PALLD: variants seen among roughly 807,000 people sequenced by gnomAD.
PALLD encodes palladin.
In PALLD, 61 loss-of-function variants were observed where a neutral mutation model predicts 123.5. That is an observed-to-expected ratio of 0.49 (90% CI 0.40 to 0.61). The LOEUF is 0.61. PALLD is among the 20% of genes least tolerant of loss of function. The pLI is 0.00. For missense variants in PALLD, 1,273 were observed against 1,377.0 expected, an observed-to-expected ratio of 0.92 and a Z score of 1.20; for synonymous variants, 465 against 496.4, an observed-to-expected ratio of 0.94 and a Z score of 0.84.
At chr4:168,681,829 G>A (rs1383624860) in intron 4 of PALLD, among the ~76,000 whole-genome samples, 1 of 151,976 alleles carries the variant, frequency 6.6e-6, no homozygotes, top group Non-Finnish European at 1.5e-5. Flanking sequence ...AGGGATTATA[G>A]GCATGAGCCA....
At chr4:168,618,310 T>C (rs972457829) in intron 2 of PALLD, among the ~76,000 whole-genome samples, 2 of 152,220 alleles carry the variant, frequency 1.3e-5, no homozygotes, top group East Asian at 3.8e-4. Flanking sequence ...ACTATAACTT[T>C]CTATGGTTTT....
At chr4:168,676,579 T>A (rs974909624) in intron 3 of PALLD, among the ~76,000 whole-genome samples, 30 of 149,432 alleles carry the variant, frequency 2.0e-4, no homozygotes, top group Non-Finnish European at 1.9e-4. Flanking sequence ...TATATATATT[T>A]AAAAAAAAAT....
chr4:168,753,846 C>A (rs1191397143), intron 10 of PALLD, among the ~76,000 whole-genome samples: 1 of 152,094 alleles, frequency 6.6e-6, no homozygotes, highest in South Asian at 2.1e-4. Flanking sequence ...TGCAAACTCA[C>A]GAGAGACACA....
chr4:168,627,303 A>G (rs530937695), intron 2 of PALLD, among the ~76,000 whole-genome samples: 1 of 152,300 alleles, frequency 6.6e-6, no homozygotes, highest in East Asian at 1.9e-4. Flanking sequence ...TGAGGTCAGG[A>G]GTTCGAGACC....
At chr4:168,719,339 C>G (rs1341423604) in intron 10 of PALLD, among the ~76,000 whole-genome samples, 1 of 142,254 alleles carries the variant, frequency 7.0e-6, no homozygotes, top group Non-Finnish European at 1.5e-5. Flanking sequence ...CTCACTGCAA[C>G]CTCCGCCTCC....
intron 2 of PALLD, among the ~76,000 whole-genome samples, chr4:168,516,196 T>C (rs1236017130): frequency 2.6e-5 from 4 of 152,236 alleles, no homozygotes; most frequent in Non-Finnish European, 5.9e-5. Context: ...GAGGTAGTAT[T>C]CACATGATAT....
At chr4:168,816,484 T>G (rs558158801) in intron 10 of PALLD, among the ~76,000 whole-genome samples, 26 of 151,234 alleles carry the variant, frequency 1.7e-4, no homozygotes, top group African/African-American at 6.1e-4. Context: ...ACTAACCAGA[T>G]AGTGAACTCT....
chr4:168,638,620 G>C (rs1264616030), intron 2 of PALLD, among the ~76,000 whole-genome samples: 4 of 152,170 alleles, frequency 2.6e-5, no homozygotes, highest in Non-Finnish European at 5.9e-5. Context: ...CAAGGTGAAG[G>C]TGCCGGTAGA....
chr4:168,632,059 T>C (rs1195386425), intron 2 of PALLD, among the ~76,000 whole-genome samples: 1 of 151,728 alleles, frequency 6.6e-6, no homozygotes, highest in Non-Finnish European at 1.5e-5. Flanking sequence ...TCCTAATCCC[T>C]TCTTCGGACT....
chr4:168,920,667 A>G (rs963378646), intron 17 of PALLD, among the ~76,000 whole-genome samples: 1 of 152,130 alleles, frequency 6.6e-6, no homozygotes, highest in Admixed American at 6.5e-5. Context: ...CACAACTGTC[A>G]AGGTCTCAAG....
At chr4:168,663,941 A>G (rs1312701160) in intron 2 of PALLD, among the ~76,000 whole-genome samples, 6 of 152,226 alleles carry the variant, frequency 3.9e-5, no homozygotes, top group Non-Finnish European at 2.9e-5. Flanking sequence ...TCAGCCCCAC[A>G]TTACTTTAGA....
chr4:168,812,891 G>A (rs1176960125), intron 10 of PALLD, among the ~76,000 whole-genome samples: 1 of 152,072 alleles, frequency 6.6e-6, no homozygotes, highest in Non-Finnish European at 1.5e-5. Flanking sequence ...AAATGTGGGC[G>A]TGGAAATTAG....
At chr4:168,666,680 G>T (rs185411297) in intron 2 of PALLD, among the ~76,000 whole-genome samples, 63 of 152,282 alleles carry the variant, frequency 4.1e-4, no homozygotes, top group African/African-American at 1.4e-3. Context: ...CAGATCTGAA[G>T]TTTAGAGAAT....
intron 2 of PALLD, among the ~76,000 whole-genome samples, chr4:168,664,387 A>C (rs1359465984): frequency 2.6e-5 from 4 of 152,236 alleles, no homozygotes; most frequent in Non-Finnish European, 5.9e-5. Context: ...GCCTCAGTCT[A>C]ACTCATCTAT....
rs111548096 is a variant in PALLD at position 168,897,775 on chromosome 4, G to A, written c.2251-718G>A. Among the ~76,000 whole-genome samples, 141 of 151,812 alleles carry A rather than the reference G, an allele frequency of 9.3e-4. 1 individual carries two copies. Among genetic ancestry groups the A allele is most frequent in the African/African-American group, 3.3e-3 (136 of 41,430 alleles). ...GCCTTTAATGCACTTTGTAGGCAAG[G>A]AAATTGTAGGATCCACCGTAATCAC... On this transcript the variant is annotated intron_variant, in intron 13 of 21. Coordinates refer to ENST00000505667, the MANE Select transcript of PALLD (RefSeq NM_001166108.2).
At chr4:168,603,383 G>A (rs2149733933) in intron 2 of PALLD, among the ~76,000 whole-genome samples, 1 of 152,272 alleles carries the variant, frequency 6.6e-6, no homozygotes, top group African/African-American at 2.4e-5. Flanking sequence ...CTTTAAGACT[G>A]TTGATATGCT....
At chr4:168,811,776 T>TCACACACACA (rs58914714) in intron 10 of PALLD, among the ~76,000 whole-genome samples, 1 of 143,750 alleles carries the variant, frequency 7.0e-6, no homozygotes, top group African/African-American at 2.6e-5. Context: ...TCTCTCTCTC[T>TCACACACACA]CACACACACA....
At chr4:168,903,676 C>A (rs1757024306) in intron 14 of PALLD, 81 bp from the exon 15 acceptor site, 7 of 1,172,634 alleles carry the variant, frequency 6.0e-6, no homozygotes, top group South Asian at 1.2e-5. Flanking sequence ...CTCTGCAAAC[C>A]ACACTGTTAC....
intron 1 of PALLD, among the ~76,000 whole-genome samples, chr4:168,509,724 TCAGG>T (rs1200002407): frequency 6.6e-6 from 1 of 152,092 alleles, no homozygotes; most frequent in Admixed American, 6.6e-5. Flanking sequence ...ATCTAATAAT[TCAGG>T]CACAAAAAAA....
Sources: allele counts gnomAD v4.1 joint callset (sites outside exome capture counted in the v4.1 genomes callset), GRCh38; gene constraint gnomAD v4.1.1; transcripts MANE v1.5; gene names NCBI Gene and HGNC (gene_info 2026-07-23, HGNC 2026-07-21).